The following STC2 variants were observed in gnomAD, a reference collection of about 807,000 sequenced individuals.
STC2 encodes the protein stanniocalcin-2.
Under a neutral mutation model 22.7 loss-of-function variants are expected in STC2, and 7 were observed. That is an observed-to-expected ratio of 0.31 (90% CI 0.18 to 0.58). The LOEUF is 0.58. Ranked by LOEUF, STC2 falls within the 20% of genes least tolerant of loss-of-function variation. STC2 has a pLI of 0.89. For missense variants in STC2, 336 were observed against 406.2 expected (o/e 0.83, Z 1.48); for synonymous variants, 158 against 163.4 (o/e 0.97, Z 0.25).
In STC2 at chr5:173,317,964, G is replaced by C. The variant is rs1490727027; in HGVS notation, c.792C>G (p.Ser264Arg). The change falls in exon 4 of 4, where the codon AGC becomes AGG. Residue 264 changes from serine to arginine, a missense_variant. Physicochemically the swap from Ser to Arg is moderately radical, Grantham distance 110. Coordinates refer to ENST00000265087, the MANE Select transcript of STC2 (RefSeq NM_003714.3). ...GGGCATGGGCGTTTGGGTGGCTCTT[G>C]CTACCTCGCTCACCCTTGGCACCTC... Reference protein sequence around the residue: ...TGRGAKGERGSKSHPNAHARG... With the variant: ...TGRGAKGERGRKSHPNAHARG... 6.2e-7 allele frequency: 1 copy of C among 1,613,340 alleles called. No individual in the cohort carries two copies. Among genetic ancestry groups the C allele is most frequent in the South Asian group, 1.1e-5 (1 of 91,074 alleles).
chr5:173,318,189 G>A lies in STC2; in HGVS notation c.567C>T (p.Ile189=), dbSNP rs1223567332. 2 of 1,558,842 alleles carry A rather than the reference G, an allele frequency of 1.3e-6. 1 individual carries two copies. Among genetic ancestry groups the A allele is most frequent in the Admixed American group, 4.0e-5 (2 of 50,172 alleles). ...CACACTGAACCTGCACGCTGTGGGT[G>A]ATGGCCTCCTTCACCTCCTCCCCAC... is the stretch of plus-strand genomic sequence containing the variant. ...LTCGEEVKEA[I]THSVQVQCEQ... Residue 189 remains isoleucine, a synonymous_variant, in exon 4 of 4, where the codon ATC becomes ATT. Coordinates refer to ENST00000265087, the MANE Select transcript of STC2 (RefSeq NM_003714.3).
rs377701281 is a variant in STC2, at chr5:173,326,055, T to C, written c.152-45A>G. On this transcript the variant is annotated intron_variant, in intron 1 of 3. Coordinates refer to ENST00000265087, the MANE Select transcript of STC2 (RefSeq NM_003714.3). ...CAAATATATACAAAACTCTAACCCA[T>C]GCTGGGCAATGCAGAGAGGTCATTT... 3.9e-5 allele frequency: 63 copies of C among 1,599,754 alleles called. No individual in the cohort carries two copies. In the Admixed American group the frequency reaches 6.6e-4, roughly 17 times the overall value.
chr5:173,319,023 T>C (rs17075791), intron 3 of STC2, among the ~76,000 whole-genome samples: 10,610 of 152,100 alleles, frequency 0.07, 599 homozygotes, highest in African/African-American at 0.15. Flanking sequence ...TGGGCTTCCT[T>C]AGATTTGGAG....
Position 173,317,772 on chromosome 5 carries a change from G to C in STC2, c.*75C>G. 1 of 1,483,956 alleles carries C rather than the reference G, an allele frequency of 6.7e-7. No individual in the cohort carries two copies. Among genetic ancestry groups the C allele is most frequent in the Non-Finnish European group, 9.0e-7 (1 of 1,113,176 alleles). The allele number at this position is 1,483,956 out of a possible 1,614,324, so 91.9% of individuals were successfully genotyped here. On this transcript the variant is annotated 3_prime_UTR_variant, in exon 4 of 4. Coordinates refer to ENST00000265087, the MANE Select transcript of STC2 (RefSeq NM_003714.3). ...CGTGTGACATCCCCCCTCTCTAATG[G>C]TAAATGTTTTGGAATGTCCATAGAT...
At chr5:173,327,614 A>T (rs1428939301) in intron 1 of STC2, among the ~76,000 whole-genome samples, 1 of 152,210 alleles carries the variant, frequency 6.6e-6, no homozygotes, top group Admixed American at 6.5e-5. Flanking sequence ...CGGCACCCTT[A>T]CTGAGGCCGG....
At chr5:173,319,098 C>T (rs1027436772) in intron 3 of STC2, among the ~76,000 whole-genome samples, 10 of 152,166 alleles carry the variant, frequency 6.6e-5, no homozygotes, top group East Asian at 1.9e-4. Context: ...GCAATGAACT[C>T]GCCTAGTTCT....
chr5:173,323,263 C>T lies in STC2; in HGVS notation c.462G>A (p.Arg154=), dbSNP rs149387221. Residue 154 remains arginine, a synonymous_variant, in exon 3 of 4, where the codon CGG becomes CGA. Coordinates refer to ENST00000265087, the MANE Select transcript of STC2 (RefSeq NM_003714.3). This position sits in a 1 kb window ranked among gnomAD's most constrained non-coding sequence, Gnocchi z 5.4. ...DLCAAAQENT[R]VIVEMIHFKD... Reference sequence around the variant, plus strand: ...TGAAATGGATCATCTCCACTATCACCCGGGTGTTCTCCTGGGCAGCCGCGC... The same window carrying T: ...TGAAATGGATCATCTCCACTATCACTCGGGTGTTCTCCTGGGCAGCCGCGC... 6.2e-6 allele frequency: 10 copies of T among 1,614,096 alleles called. No individual in the cohort carries two copies. The African/African-American group carries it at 9.3e-5, about 15-fold the overall frequency.
At position 173,323,313 on chromosome 5, in the gene STC2, C is replaced by G; in HGVS notation, c.412G>C (p.Glu138Gln). 1 of 1,614,224 alleles carries G rather than the reference C, an allele frequency of 6.2e-7. No homozygotes were observed. Among genetic ancestry groups the G allele is most frequent in the Non-Finnish European group, 8.5e-7 (1 of 1,180,042 alleles). The change falls in exon 3 of 4, where the codon GAA becomes CAA. Residue 138 changes from glutamate to glutamine, a missense_variant. Transcript: ENST00000265087. The surrounding 1 kb of genome is among the most constrained non-coding windows in gnomAD (Gnocchi z 5.4). ...CACAGGTCGTGCTTGAGGTAGCATT[C>G]CCGCTGCAACTGGGACACCATTTCC... ...IREMVSQLQR[E>Q]CYLKHDLCAA...
Position 173,317,611 on chromosome 5 carries a change from C to A in STC2, c.*236G>T. 1 of 400,624 alleles carries A rather than the reference C, an allele frequency of 2.5e-6. No individual in the cohort carries two copies. The highest frequency in any genetic ancestry group is 4.4e-6 in the Non-Finnish European group (1 of 227,214). The allele number at this position is 400,624 out of a possible 1,614,324, so 24.8% of individuals were successfully genotyped here. A position where few individuals can be genotyped will look rare whatever the true frequency, so the allele number is the denominator to read the frequency against. On this transcript the variant is annotated 3_prime_UTR_variant, in exon 4 of 4. Coordinates refer to ENST00000265087, the MANE Select transcript of STC2 (RefSeq NM_003714.3). ...GACAAAGGTACGAGGATAACGCGGG[C>A]GCGCTCCCTTGAGTACGTGTAAGTG...
intron 1 of STC2, 117 bp from the exon 2 acceptor site, chr5:173,326,127 C>T: frequency 8.3e-7 from 1 of 1,211,086 alleles, no homozygotes; most frequent in African/African-American, 1.5e-5. Flanking sequence ...GGAAAAAAGA[C>T]TTAGTAATGA....
In STC2 at chr5:173,320,660, G is replaced by A. The variant is rs112647434; in HGVS notation, c.507-2411C>T. 6.5e-3 allele frequency among the ~76,000 whole-genome samples: 987 copies of A among 151,536 alleles called. 9 individuals are homozygous for A. The highest frequency in any genetic ancestry group is 0.023 in the African/African-American group (943 of 41,218). On this transcript the variant is annotated intron_variant, in intron 3 of 3. Coordinates refer to ENST00000265087, the MANE Select transcript of STC2 (RefSeq NM_003714.3). ...GCGGGCAGGAAGGGGTGAGGGGAGC[G>A]GAGAGGAAGAGCTTGAAAAGAGCAG...
intron 3 of STC2, 50 bp from the exon 4 acceptor site, chr5:173,318,299 AGG>A: frequency 7.7e-7 from 1 of 1,300,748 alleles, no homozygotes. Flanking sequence ...AGAGAGAGAG[AGG>A]CTGGGAATGG....
At chr5:173,322,246 A>C (rs1371899828) in intron 3 of STC2, among the ~76,000 whole-genome samples, 1 of 152,132 alleles carries the variant, frequency 6.6e-6, no homozygotes, top group Non-Finnish European at 1.5e-5. Context: ...CTGGTTGGCT[A>C]GTGGCTTTCT....
chr5:173,319,771 A>G (rs566260250), intron 3 of STC2, among the ~76,000 whole-genome samples: 16 of 152,340 alleles, frequency 1.1e-4, no homozygotes, highest in African/African-American at 3.8e-4. Flanking sequence ...AGAGCAGAGC[A>G]GAGAGGAGGA....
In STC2 at chr5:173,318,126, G is replaced by A. The variant is rs1762447210; in HGVS notation, c.630C>T (p.Phe210=). ...NWGSLCSILS[F]CTSAIQKPPT... is the part of the protein sequence containing the mutation. The stretch of plus-strand genomic sequence containing the variant: ...GAGGCTTCTGGATGGCCGAGGTGCA[G>A]AAGCTCAAGATGGAGCACAGGCTTC... The change falls in exon 4 of 4, where the codon TTC becomes TTT. Residue 210 remains phenylalanine (F), a synonymous_variant. Coordinates refer to ENST00000265087, the MANE Select transcript of STC2 (RefSeq NM_003714.3). The A allele has an allele frequency of 1.2e-6, 2 of 1,610,466 alleles. No homozygotes were observed. The highest frequency in any genetic ancestry group is 2.7e-5 in the African/African-American group (2 of 74,610).
chr5:173,317,997 C>T lies in STC2; in HGVS notation c.759G>A (p.Glu253=). 6.2e-7 allele frequency: 1 copy of T among 1,613,346 alleles called. No individual in the cohort carries two copies. Residue 253 remains glutamate, a synonymous_variant, in exon 4 of 4, where the codon GAG becomes GAA. Transcript: ENST00000265087. ...GHHLPEPSSR[E]TGRGAKGERG... ...GCTCACCCTTGGCACCTCGGCCAGT[C>T]TCCCTACTGCTGGGCTCTGGGAGGT...
Position 173,325,938 on chromosome 5 carries a change from G to A in STC2, c.224C>T (p.Ser75Phe). 1 of 1,614,208 alleles carries A rather than the reference G, an allele frequency of 6.2e-7. No individual in the cohort carries two copies. Among genetic ancestry groups the A allele is most frequent in the Non-Finnish European group, 8.5e-7 (1 of 1,180,048 alleles). The change falls in exon 2 of 4, where the codon TCT becomes TTT. Residue 75 changes from serine (S) to phenylalanine (F), a missense_variant. Physicochemically the swap from Ser to Phe is radical, Grantham distance 155. Transcript: ENST00000265087. The surrounding 1 kb of genome is among the most constrained non-coding windows in gnomAD (Gnocchi z 4.7). ...CCCATGTAAGCCCCGAATCTCACAA[G>A]AGTTGTTCTCGAAACATTCAAACAC... is the stretch of plus-strand genomic sequence containing the variant. ...CGVFECFENNSCEIRGLHGIC... is the reference protein window; with the variant it reads ...CGVFECFENNFCEIRGLHGIC...
intron 3 of STC2, among the ~76,000 whole-genome samples, chr5:173,319,271 T>C (rs1345912207): frequency 6.6e-6 from 1 of 152,230 alleles, no homozygotes; most frequent in East Asian, 1.9e-4. Flanking sequence ...TCCCCAGCAA[T>C]GGGCTCTCAT....
chr5:173,323,871 T>A lies in STC2; in HGVS notation c.295-441A>T, dbSNP rs77739406. On this transcript the variant is annotated intron_variant, in intron 2 of 3. Coordinates refer to ENST00000265087, the MANE Select transcript of STC2 (RefSeq NM_003714.3). This position sits in a 1 kb window ranked among gnomAD's most constrained non-coding sequence, Gnocchi z 5.4. ...CTTCCCTAAGTGGAAGGTGCCTGCA[T>A]GTCCAAATCTCACACGTTTCCTTTT... 6 of 185,494 alleles carry A rather than the reference T, an allele frequency of 3.2e-5. No individual in the cohort carries two copies. In the East Asian group the frequency reaches 7.9e-4, roughly 25 times the overall value. 11.5% of individuals were successfully genotyped at this position (185,494 alleles called of 1,614,324 possible).
Sources: allele counts gnomAD v4.1 joint callset (sites outside exome capture counted in the v4.1 genomes callset), GRCh38; gene constraint gnomAD v4.1.1; non-coding constraint Gnocchi (gnomAD v3.1); transcripts MANE v1.5; gene names NCBI Gene and HGNC (gene_info 2026-07-23, HGNC 2026-07-21).